SEC24B: variants seen among roughly 807,000 people sequenced by gnomAD.
SEC24B encodes the protein protein transport protein Sec24B.
SEC24B carries 45 observed loss-of-function variants against 142.8 expected under a neutral mutation model. The observed-to-expected ratio is 0.32, with a 90% CI of 0.25 to 0.40. The LOEUF (loss-of-function observed/expected upper bound fraction) is 0.40, where lower values mean the gene tolerates loss of function less well. Among genes scored for constraint, SEC24B ranks in the 10% least tolerant of loss-of-function variants. The probability of loss-of-function intolerance (pLI) is 1.00; values close to 1 mark genes in which losing one functional copy is unlikely to be tolerated. For missense variants in SEC24B, 1,409 were observed against 1,526.8 expected (o/e 0.92, Z 1.29); for synonymous variants, 574 against 568.2 (o/e 1.01, Z -0.15).
At chr4:109,460,874 A>G (rs189863012) in intron 1 of SEC24B, among the ~76,000 whole-genome samples, 81 of 151,902 alleles carry the variant, frequency 5.3e-4, no homozygotes, top group African/African-American at 1.9e-3. Context: ...AGTATAAAAC[A>G]CTAGAGTAAA....
At chr4:109,480,432 A>G (rs527693459) in intron 3 of SEC24B, among the ~76,000 whole-genome samples, 2 of 152,050 alleles carry the variant, frequency 1.3e-5, no homozygotes, top group African/African-American at 2.4e-5. Flanking sequence ...GAGATTTTCC[A>G]TACAAGGATG....
chr4:109,513,104 AG>A (rs1737543099), intron 9 of SEC24B, among the ~76,000 whole-genome samples: 1 of 149,620 alleles, frequency 6.7e-6, no homozygotes, highest in East Asian at 2.0e-4. Flanking sequence ...CCTCCCGAGT[AG>A]CTGGGACTAC....
intron 1 of SEC24B, among the ~76,000 whole-genome samples, chr4:109,440,113 T>A (rs1277729649): frequency 6.6e-6 from 1 of 150,732 alleles, no homozygotes; most frequent in Non-Finnish European, 1.5e-5. Context: ...AGAGCGAGAC[T>A]TCGTCGCAAA....
chr4:109,538,660 C>T, intron 23 of SEC24B, 64 bp downstream of exon 23: 7 of 979,776 alleles, frequency 7.1e-6, no homozygotes, highest in Non-Finnish European at 1.1e-5. Context: ...AATTGCTTGT[C>T]TTCAAAGCAA....
intron 1 of SEC24B, among the ~76,000 whole-genome samples, chr4:109,453,102 G>A (rs1470744232): frequency 6.6e-6 from 1 of 152,106 alleles, no homozygotes; most frequent in Admixed American, 6.5e-5. Flanking sequence ...GTTTTTATTA[G>A]CAATTTTCAA....
At chr4:109,538,924 G>A (rs1725862194) in intron 23 of SEC24B, among the ~76,000 whole-genome samples, 1 of 151,730 alleles carries the variant, frequency 6.6e-6, no homozygotes, top group Admixed American at 6.6e-5. Flanking sequence ...AGCTGGGACT[G>A]CAGGCACTTC....
Position 109,434,007 on chromosome 4 carries a change from G to A in SEC24B, c.133+5G>A. ...CGGCGCCGCACCAGCAGAACGGTGA[G>A]GCGGGCGGCCCGGGCGGAGCGCGGG... On this transcript the variant is annotated splice_donor_5th_base_variant and intron_variant, in intron 1 of 23. Transcript: ENST00000265175. The A allele has an allele frequency of 8.7e-7, 1 of 1,154,404 alleles. No homozygotes were observed. The highest frequency in any genetic ancestry group is 1.1e-6 in the Non-Finnish European group (1 of 939,306). The allele number at this position is 1,154,404 out of a possible 1,614,324, so 71.5% of individuals were successfully genotyped here.
At chr4:109,520,269 G>A (rs1175173302) in intron 11 of SEC24B, 97 bp from the exon 12 acceptor site, 3 of 759,406 alleles carry the variant, frequency 4.0e-6, no homozygotes, top group East Asian at 5.0e-5. Flanking sequence ...AAGCATATGT[G>A]TAATTATCCT....
At chr4:109,491,512 A>G in intron 5 of SEC24B, 105 bp downstream of exon 5, 1 of 821,458 alleles carries the variant, frequency 1.2e-6, no homozygotes, top group East Asian at 2.7e-5. Flanking sequence ...TATATTTTTA[A>G]CAAGAAAAAA....
chr4:109,502,610 T>C (rs1288611709), intron 6 of SEC24B, among the ~76,000 whole-genome samples: 1 of 152,004 alleles, frequency 6.6e-6, no homozygotes, highest in African/African-American at 2.4e-5. Context: ...AACACCTGGG[T>C]AGAGGTTAGC....
At chr4:109,503,488 T>G (rs913262882) in intron 6 of SEC24B, among the ~76,000 whole-genome samples, 1 of 152,070 alleles carries the variant, frequency 6.6e-6, no homozygotes, top group Non-Finnish European at 1.5e-5. Context: ...CCTTCCAAAG[T>G]GCTGGGATTA....
chr4:109,528,416 G>A (rs534943835), intron 18 of SEC24B, among the ~76,000 whole-genome samples: 4 of 147,036 alleles, frequency 2.7e-5, no homozygotes, highest in African/African-American at 5.1e-5. Flanking sequence ...GAGTGACAGC[G>A]TGAGACTGCA....
rs534213339 is a variant in SEC24B at position 109,473,079 on chromosome 4, T to C, written c.953T>C (p.Leu318Ser). Reference sequence around the variant, plus strand: ...TCCAGCCCAGTGGTATCCACTGTTTTATCAGGATCCTCAGGATCCTCATCA... The same window carrying C: ...TCCAGCCCAGTGGTATCCACTGTTTCATCAGGATCCTCAGGATCCTCATCA... ...PKSSPVVSTV[L>S]SGSSGSSSTR... is the part of the protein sequence containing the mutation. The change falls in exon 3 of 24, where the codon TTA becomes TCA. Residue 318 changes from leucine to serine, a missense_variant. Leu to Ser is a moderately radical substitution (Grantham distance 145). This residue lies in a region of SEC24B where 709 missense variants were observed against 673.5 expected (regional missense o/e 1.05). Coordinates refer to ENST00000265175, the MANE Select transcript of SEC24B (RefSeq NM_006323.5). 3 of 1,606,962 alleles carry C rather than the reference T, an allele frequency of 1.9e-6. No individual in the cohort carries two copies. The South Asian group carries it at 3.3e-5, about 18-fold the overall frequency.
At chr4:109,500,697 G>C (rs182397524) in intron 6 of SEC24B, among the ~76,000 whole-genome samples, 1 of 151,994 alleles carries the variant, frequency 6.6e-6, no homozygotes, top group Non-Finnish European at 1.5e-5. Context: ...TGTCACCCAG[G>C]CTAGAGTGCA....
intron 10 of SEC24B, among the ~76,000 whole-genome samples, chr4:109,514,340 A>G (rs937924089): frequency 1.3e-5 from 2 of 152,188 alleles, no homozygotes; most frequent in African/African-American, 4.8e-5. Flanking sequence ...CACTTCAAAA[A>G]CGAATTACTG....
chr4:109,495,255 G>A (rs750628572), intron 6 of SEC24B, among the ~76,000 whole-genome samples: 1 of 152,134 alleles, frequency 6.6e-6, no homozygotes, highest in Non-Finnish European at 1.5e-5. Context: ...AATGTGATTT[G>A]GTCCCTACCC....
At chr4:109,518,967 C>T (rs546002886) in intron 11 of SEC24B, among the ~76,000 whole-genome samples, 16 of 152,038 alleles carry the variant, frequency 1.1e-4, no homozygotes, top group South Asian at 2.1e-4. Context: ...CCATCACACT[C>T]GGCTAATTTT....
intron 2 of SEC24B, among the ~76,000 whole-genome samples, chr4:109,471,038 A>T (rs553336150): frequency 6.6e-6 from 1 of 152,064 alleles, no homozygotes; most frequent in Non-Finnish European, 1.5e-5. Flanking sequence ...TCAAAATTGG[A>T]TGCTGAGTTC....
Position 109,473,000 on chromosome 4 carries a change from T to C in SEC24B, c.878-4T>C. The C allele has an allele frequency of 6.7e-7, 1 of 1,503,388 alleles. No homozygotes were observed. The highest frequency in any genetic ancestry group is 8.9e-7 in the Non-Finnish European group (1 of 1,128,044). 93.1% of individuals were successfully genotyped at this position (1,503,388 alleles called of 1,614,324 possible). On this transcript the variant is annotated splice_polypyrimidine_tract_variant and splice_region_variant and intron_variant, in intron 2 of 23. Coordinates refer to ENST00000265175, the MANE Select transcript of SEC24B (RefSeq NM_006323.5). Reference sequence around the variant, plus strand: ...CTGTGGATGAAATAGTTTCTTCTCTTCAGTTGCAGATTCTTTATCCTGTCC... The same window carrying C: ...CTGTGGATGAAATAGTTTCTTCTCTCCAGTTGCAGATTCTTTATCCTGTCC...
Sources: gnomAD v4.1 joint callset for allele counts (sites outside exome capture counted in the v4.1 genomes callset) on GRCh38, gnomAD v4.1.1 for gene constraint, gnomAD v4.1.1 regional missense constraint, MANE v1.5 for transcripts, NCBI Gene and HGNC (gene_info 2026-07-23, HGNC 2026-07-21) for gene names.